The following TNRC6A variants were observed in gnomAD, a reference collection of about 807,000 sequenced individuals.
TNRC6A encodes trinucleotide repeat containing adaptor 6A, also known as trinucleotide repeat-containing gene 6A protein.
TNRC6A carries 44 observed loss-of-function variants against 221.2 expected under a neutral mutation model. The ratio of observed to expected loss-of-function variants is 0.20; its 90% CI spans 0.16 to 0.26. TNRC6A has a LOEUF of 0.26. Ranked by LOEUF, TNRC6A falls within the 10% of genes least tolerant of loss-of-function variation. TNRC6A has a pLI of 1.00. For missense variants in TNRC6A, 2,199 were observed against 2,404.4 expected, an observed-to-expected ratio of 0.91 and a Z score of 1.79; for synonymous variants, 847 against 838.5, an observed-to-expected ratio of 1.01 and a Z score of -0.18.
Position 24,805,713 on chromosome 16 carries a change from T to A in TNRC6A, c.4231T>A (p.Ser1411Thr). 6.2e-7 allele frequency: 1 copy of A among 1,614,258 alleles called. No individual in the cohort carries two copies. The highest frequency in any genetic ancestry group is 8.5e-7 in the Non-Finnish European group (1 of 1,180,042). Residue 1411 changes from serine to threonine, a missense_variant, in exon 15 of 25, where the codon TCT becomes ACT. Ser to Thr is a moderately conservative substitution (Grantham distance 58). Transcript: ENST00000395799. Reference protein sequence around the residue: ...LNQLSQLNQLSQISQLQRLLA... With the variant: ...LNQLSQLNQLTQISQLQRLLA... Reference sequence around the variant, plus strand: ...CCAGCTATCCCAGCTAAACCAGCTTTCTCAGATCTCCCAGTTACAGGTAAG... The same window carrying A: ...CCAGCTATCCCAGCTAAACCAGCTTACTCAGATCTCCCAGTTACAGGTAAG...
In TNRC6A at chr16:24,791,202, A is replaced by C. The variant is rs780253872; in HGVS notation, c.2560A>C (p.Ser854Arg). The change falls in exon 6 of 25, where the codon AGT becomes CGT. Residue 854 changes from serine (S) to arginine (R), a missense_variant. Around this residue, in one of 8 missense-constraint regions of TNRC6A, gnomAD observed 1,405 missense variants for 1,400.2 expected, o/e 1.00. Coordinates refer to ENST00000395799, the MANE Select transcript of TNRC6A (RefSeq NM_014494.4). The part of the protein sequence containing the change: ...KSSQGWSVSA[S>R]DNWGETSRNN... ...AAGCCAAGGGTGGTCTGTTTCTGCC[A>C]GTGATAACTGGGGAGAAACTTCAAG... 6.2e-7 allele frequency: 1 copy of C among 1,614,182 alleles called. No individual in the cohort carries two copies. The highest frequency in any genetic ancestry group is 1.3e-5 in the African/African-American group (1 of 75,048).
intron 2 of TNRC6A, among the ~76,000 whole-genome samples, chr16:24,719,755 CA>C (rs1281643507): frequency 6.6e-6 from 1 of 151,574 alleles, no homozygotes; most frequent in Non-Finnish European, 1.5e-5. Flanking sequence ...GCAGGAGGAT[CA>C]CTTGAGCCCA....
chr16:24,782,695 G>A (rs1365690885), intron 5 of TNRC6A, among the ~76,000 whole-genome samples: 5 of 151,990 alleles, frequency 3.3e-5, no homozygotes, highest in Non-Finnish European at 7.4e-5. Context: ...GGCTAACAGG[G>A]TGAAACCCCC....
chr16:24,684,463 T>G (rs911590734), intron 2 of TNRC6A, among the ~76,000 whole-genome samples: 1 of 151,950 alleles, frequency 6.6e-6, no homozygotes, highest in Admixed American at 6.6e-5. Context: ...TTTTACCTAA[T>G]TTTTACATGT....
intron 2 of TNRC6A, among the ~76,000 whole-genome samples, chr16:24,743,485 C>A (rs2056936850): frequency 6.6e-6 from 1 of 152,042 alleles, no homozygotes. Flanking sequence ...ACCACCACAC[C>A]CAGTTAATTT....
intron 11 of TNRC6A, among the ~76,000 whole-genome samples, chr16:24,803,243 A>G (rs1038360128): frequency 6.6e-6 from 1 of 151,804 alleles, no homozygotes; most frequent in African/African-American, 2.4e-5. Context: ...ACATGGGGAA[A>G]CCCTGTCTCT....
intron 2 of TNRC6A, among the ~76,000 whole-genome samples, chr16:24,683,741 T>C (rs2055576700): frequency 6.6e-6 from 1 of 152,206 alleles, no homozygotes; most frequent in African/African-American, 2.4e-5. Context: ...TTTCCTCATC[T>C]GTAAAGTAAG....
chr16:24,815,012 A>G (rs1328194564), intron 18 of TNRC6A, 135 bp from the exon 19 acceptor site: 2 of 915,322 alleles, frequency 2.2e-6, no homozygotes, highest in African/African-American at 1.7e-5. Context: ...ATCTCAATAT[A>G]AAAGAGTTAC....
In TNRC6A at chr16:24,806,263, C is replaced by T. The variant is rs1013220296; in HGVS notation, c.4309C>T (p.Arg1437Trp). The T allele has an allele frequency of 1.7e-5, 28 of 1,614,034 alleles. No individual in the cohort carries two copies. The highest frequency in any genetic ancestry group is 2.7e-5 in the African/African-American group (2 of 74,940). Residue 1437 changes from arginine to tryptophan, a missense_variant, in exon 16 of 25, where the codon CGG (arginine) becomes TGG (tryptophan). By Grantham distance (101) the Arg-to-Trp change is moderately radical. Transcript: ENST00000395799. ...QSQRSVPSGN[R>W]PQQDQQGRPL... ...TCAGAGAAGCGTGCCTTCTGGGAAC[C>T]GGCCGCAGCAAGACCAGCAGGTAGA...
Position 24,823,192 on chromosome 16 carries a change from A to G in TNRC6A, c.5513+179A>G, listed in dbSNP as rs549607054. ...ATCAGACCTGGCTAGATGGCCCTAG[A>G]AAGTCCCTTACGTTGCCCATGGCAG... On this transcript the variant is annotated intron_variant, in intron 24 of 24. Transcript: ENST00000395799. This position sits in a 1 kb window ranked among gnomAD's most constrained non-coding sequence, Gnocchi z 4.3. 5.1e-4 allele frequency among the ~76,000 whole-genome samples: 78 copies of G among 152,328 alleles called. No individual in the cohort carries two copies. The Middle Eastern group carries it at 0.014, about 27-fold the overall frequency.
chr16:24,678,418 C>G (rs1014206708), intron 2 of TNRC6A, among the ~76,000 whole-genome samples: 1 of 152,126 alleles, frequency 6.6e-6, no homozygotes, highest in African/African-American at 2.4e-5. Context: ...TTGTCCCTCT[C>G]TGAGAGAAGA....
chr16:24,675,696 CTCTCTCTATATATATATATATA>C (rs1437079612), intron 2 of TNRC6A, among the ~76,000 whole-genome samples: 25 of 76,092 alleles, frequency 3.3e-4, no homozygotes, highest in African/African-American at 1.2e-3. Flanking sequence ...CTCTCTCTCT[CTCTCTCTATATATATATATATA>C]TATATATATA....
rs1157595299 is a variant in TNRC6A, at chr16:24,791,201, C to T, written c.2559C>T (p.Ala853=). The T allele has an allele frequency of 1.2e-6, 2 of 1,613,936 alleles. No homozygotes were observed. Among genetic ancestry groups the T allele is most frequent in the African/African-American group, 2.7e-5 (2 of 74,878 alleles). ...CAAGCCAAGGGTGGTCTGTTTCTGC[C>T]AGTGATAACTGGGGAGAAACTTCAA... ...QKSSQGWSVS[A]SDNWGETSRN... Residue 853 remains alanine (A), a synonymous_variant, in exon 6 of 25, where the codon GCC becomes GCT. Coordinates refer to ENST00000395799, the MANE Select transcript of TNRC6A (RefSeq NM_014494.4).
chr16:24,786,550 G>A (rs191027148), intron 5 of TNRC6A, among the ~76,000 whole-genome samples: 2 of 152,154 alleles, frequency 1.3e-5, no homozygotes, highest in Admixed American at 1.3e-4. Context: ...TGCTGACTTC[G>A]TGATCCTCCC....
Position 24,729,671 on chromosome 16 carries a change from G to A in TNRC6A, c.-171G>A, listed in dbSNP as rs1028320701. 7.4e-6 allele frequency: 5 copies of A among 678,504 alleles called. No individual in the cohort carries two copies. Among genetic ancestry groups the A allele is most frequent in the East Asian group, 7.4e-5 (2 of 27,202 alleles). The allele number at this position is 678,504 out of a possible 1,614,324, so 42.0% of individuals were successfully genotyped here. On this transcript the variant is annotated 5_prime_UTR_variant, in exon 1 of 25. Coordinates refer to ENST00000395799, the MANE Select transcript of TNRC6A (RefSeq NM_014494.4). ...CATTCACTTCCGGTCTGGGGCCTGC[G>A]GCGGCGGCGGTGTCGGCGGCGGCGG...
intron 2 of TNRC6A, among the ~76,000 whole-genome samples, chr16:24,689,017 A>G (rs1237457315): frequency 6.6e-6 from 1 of 152,164 alleles, no homozygotes; most frequent in Non-Finnish European, 1.5e-5. Context: ...CATGGTCTAT[A>G]ATCATGCAAC....
chr16:24,703,463 T>A (rs573267292), intron 2 of TNRC6A, among the ~76,000 whole-genome samples: 7 of 152,238 alleles, frequency 4.6e-5, no homozygotes, highest in African/African-American at 1.7e-4. Flanking sequence ...ATCTGTAGTC[T>A]GTTACTCAGG....
At chr16:24,756,101 A>T (rs535305512) in intron 3 of TNRC6A, among the ~76,000 whole-genome samples, 1 of 152,282 alleles carries the variant, frequency 6.6e-6, no homozygotes, top group Non-Finnish European at 1.5e-5. Context: ...ATTTTATATA[A>T]CCTAATATAG....
At chr16:24,800,208 A>T (rs909296115) in intron 11 of TNRC6A, among the ~76,000 whole-genome samples, 1 of 152,200 alleles carries the variant, frequency 6.6e-6, no homozygotes, top group Non-Finnish European at 1.5e-5. Flanking sequence ...CTCATTAGGT[A>T]TAATTGTGAG....
Sources: allele counts gnomAD v4.1 joint callset (sites outside exome capture counted in the v4.1 genomes callset), GRCh38; gene constraint gnomAD v4.1.1; regional missense constraint gnomAD v4.1.1; non-coding constraint Gnocchi (gnomAD v3.1); transcripts MANE v1.5; gene names NCBI Gene and HGNC (gene_info 2026-07-23, HGNC 2026-07-21).